The following PLXNB1 variants were observed in gnomAD, a reference collection of about 807,000 sequenced individuals.
PLXNB1 encodes the protein plexin-B1.
A neutral mutation model predicts 209.4 loss-of-function variants in PLXNB1; 106 were observed. The ratio of observed to expected loss-of-function variants is 0.51; its 90% CI spans 0.43 to 0.59. PLXNB1 has a LOEUF of 0.59. PLXNB1 is among the 20% of genes least tolerant of loss of function. The probability of loss-of-function intolerance (pLI) is 0.00; values close to 1 mark genes in which losing one functional copy is unlikely to be tolerated. For synonymous variants in PLXNB1, 1,167 were observed against 1,183.2 expected, an observed-to-expected ratio of 0.99 and a Z score of 0.28; for missense variants, 2,357 against 2,853.2, an observed-to-expected ratio of 0.83 and a Z score of 3.96.
Position 48,419,687 on chromosome 3 carries a change from T to C in PLXNB1, c.2599A>G (p.Thr867Ala), listed in dbSNP as rs2038356560. ...GAGTCTCCATCACCTGAGAGGAGGGTGGAAGTGGAGAAGGCGGGTGCGTCA... is the reference window on the plus strand; with the variant it reads ...GAGTCTCCATCACCTGAGAGGAGGGCGGAAGTGGAGAAGGCGGGTGCGTCA... ...GGDAPAFSTS[T>A]LLSGDGDSAE... Residue 867 changes from threonine to alanine, a missense_variant, in exon 11 of 38, where the codon ACC (threonine) becomes GCC (alanine). By Grantham distance (58) the Thr-to-Ala change is moderately conservative (BLOSUM62 0). Coordinates refer to ENST00000296440, the MANE Select transcript of PLXNB1 (RefSeq NM_001130082.3). This position sits in a 1 kb window ranked among gnomAD's most constrained non-coding sequence, Gnocchi z 5.7. 6.2e-7 allele frequency: 1 copy of C among 1,611,158 alleles called. No homozygotes were observed. The highest frequency in any genetic ancestry group is 1.1e-5 in the South Asian group (1 of 90,994).
At chr3:48,421,173 G>C in intron 8 of PLXNB1, 55 bp downstream of exon 8, 1 of 1,570,638 alleles carries the variant, frequency 6.4e-7, no homozygotes, top group Middle Eastern at 2.1e-4. Context: ...TAACCCCACC[G>C]CATCCCCTGA....
Position 48,410,621 on chromosome 3 carries a change from TCTC to T in PLXNB1, c.5417-66_5417-64del. 1.6e-5 allele frequency: 22 copies of T among 1,374,862 alleles called. No homozygotes were observed. The highest frequency in any genetic ancestry group is 2.4e-5 in the South Asian group (2 of 85,052). The allele number at this position is 1,374,862 out of a possible 1,614,324, so 85.2% of individuals were successfully genotyped here. A position where few individuals can be genotyped will look rare whatever the true frequency, so the allele number is the denominator to read the frequency against. On this transcript the variant is annotated intron_variant, in intron 29 of 37. Transcript: ENST00000296440. This position sits in a 1 kb window ranked among gnomAD's most constrained non-coding sequence, Gnocchi z 6.4. ...GATACCCTTCCCATAGTGGAGCCCA[TCTC>T]CTCCTCCACAGGGACACCAGCCCCT... is the stretch of plus-strand genomic sequence containing the variant.
chr3:48,426,301 A>G (rs1560078598), intron 1 of PLXNB1, among the ~76,000 whole-genome samples: 2 of 152,182 alleles, frequency 1.3e-5, no homozygotes, highest in South Asian at 4.1e-4. Flanking sequence ...TGAGTCCCTG[A>G]ACCAAGAAAC....
rs1159093912 is a variant in PLXNB1 at position 48,415,712 on chromosome 3, C to A, written c.3665G>T (p.Arg1222Leu). ...CACAGGGAGCGTGGCAGGCGTGGGG[C>A]GTGGGCTGGTCTCACACCGCAGTTG... is the stretch of plus-strand genomic sequence containing the variant. ...SEQLRCETSP[R>L]PTPATLPVAV... is the part of the protein sequence containing the mutation. Residue 1222 changes from arginine (R) to leucine (L), a missense_variant, in exon 19 of 38, where the codon CGC becomes CTC. This residue lies in a region of PLXNB1 where 743 missense variants were observed against 896.2 expected (regional missense o/e 0.83). Transcript: ENST00000296440. This position sits in a 1 kb window ranked among gnomAD's most constrained non-coding sequence, Gnocchi z 5.0. 1.9e-6 allele frequency: 3 copies of A among 1,552,846 alleles called. No individual in the cohort carries two copies. Among genetic ancestry groups the A allele is most frequent in the Admixed American group, 2.0e-5 (1 of 51,116 alleles).
rs750458595 is a variant in PLXNB1 at position 48,419,836 on chromosome 3, T to C, written c.2450A>G (p.Asp817Gly). The C allele has an allele frequency of 9.8e-5, 155 of 1,576,526 alleles. No homozygotes were observed. The Middle Eastern group carries it at 1.7e-3, about 17-fold the overall frequency. The change falls in exon 11 of 38, where the codon GAC becomes GGC. Residue 817 changes from aspartate to glycine, a missense_variant. By Grantham distance (94) the Asp-to-Gly change is moderately conservative. Around this residue, in one of 7 missense-constraint regions of PLXNB1, gnomAD observed 410 missense variants for 401.0 expected, o/e 1.02. Coordinates refer to ENST00000296440, the MANE Select transcript of PLXNB1 (RefSeq NM_001130082.3). The surrounding 1 kb of genome is among the most constrained non-coding windows in gnomAD (Gnocchi z 5.7). ...GGCAGGAACAGTGGCAGGGGGCAGGTCCAGGGGCACTGTGGGATGAAGAGC... is the reference window on the plus strand; with the variant it reads ...GGCAGGAACAGTGGCAGGGGGCAGGCCCAGGGGCACTGTGGGATGAAGAGC... ...PEALHPTVPL[D>G]LPPATVPATT...
chr3:48,428,716 G>A (rs994679615), intron 1 of PLXNB1, among the ~76,000 whole-genome samples: 9 of 151,896 alleles, frequency 5.9e-5, no homozygotes, highest in African/African-American at 2.2e-4. Flanking sequence ...GTGTGTTGAG[G>A]AGGGGTGGGG....
Position 48,422,168 on chromosome 3 carries a change from A to G in PLXNB1, c.1457T>C (p.Leu486Pro), listed in dbSNP as rs756802958. Residue 486 changes from leucine (L) to proline (P), a missense_variant, in exon 6 of 38, where the codon CTG becomes CCG. By Grantham distance (98) the Leu-to-Pro change is moderately conservative (BLOSUM62 -3). This residue lies in a region of PLXNB1 where 214 missense variants were observed against 297.1 expected (regional missense o/e 0.72). Coordinates refer to ENST00000296440, the MANE Select transcript of PLXNB1 (RefSeq NM_001130082.3). ...KVPVASCAQHLDCASCLAHRD... is the reference protein window; with the variant it reads ...KVPVASCAQHPDCASCLAHRD... The stretch of plus-strand genomic sequence containing the variant: ...GTGAGCAAGGCAAGATGCACAGTCC[A>G]GGTGCTGAGCACAGGAAGCCACAGG... 3 of 1,614,150 alleles carry G rather than the reference A, an allele frequency of 1.9e-6. No homozygotes were observed. Among genetic ancestry groups the G allele is most frequent in the South Asian group, 2.2e-5 (2 of 91,084 alleles).
chr3:48,410,914 T>C lies in PLXNB1; in HGVS notation c.5370A>G (p.Lys1790=). The change falls in exon 29 of 38, where the codon AAA becomes AAG. Residue 1790 remains lysine, a synonymous_variant. Transcript: ENST00000296440. The surrounding 1 kb of genome is among the most constrained non-coding windows in gnomAD (Gnocchi z 6.4). ...CTGGCCGCTGGGTGAGAGGCACTCC[T>C]TTATAAAGCTGGTCCAGCATCTTCT... ...AKEKMLDQLY[K]GVPLTQRPDP... 1 of 1,613,548 alleles carries C rather than the reference T, an allele frequency of 6.2e-7. No homozygotes were observed. The highest frequency in any genetic ancestry group is 8.5e-7 in the Non-Finnish European group (1 of 1,179,782).
In PLXNB1 at chr3:48,424,245, G is replaced by T; in HGVS notation, c.367C>A (p.Arg123Ser). 1.2e-6 allele frequency: 2 copies of T among 1,601,716 alleles called. No individual in the cohort carries two copies. The highest frequency in any genetic ancestry group is 1.7e-6 in the Non-Finnish European group (2 of 1,174,012). The stretch of plus-strand genomic sequence containing the variant: ...AGCAGCTGCTCGAGCTGCCCCAGGC[G>T]CCGCTGTTCACAGACCCCCTGGTGC... ...SVHQGVCEQRRLGQLEQLLLR... is the reference protein window; with the variant it reads ...SVHQGVCEQRSLGQLEQLLLR... The change falls in exon 3 of 38, where the codon CGC (arginine) becomes AGC (serine). Residue 123 changes from arginine (R) to serine (S), a missense_variant. By Grantham distance (110) the Arg-to-Ser change is moderately radical. Coordinates refer to ENST00000296440, the MANE Select transcript of PLXNB1 (RefSeq NM_001130082.3).
rs77641582 is a variant in PLXNB1 at position 48,407,681 on chromosome 3, C to T, written c.6088-590G>A. 1.6e-3 allele frequency among the ~76,000 whole-genome samples: 241 copies of T among 152,330 alleles called. 1 individual carries two copies. The highest frequency in any genetic ancestry group is 0.01 in the Middle Eastern group (3 of 294). ...AGAATATCTCGAGGTGGCACTGTCC[C>T]CCATGAGCAGGGATCCAAGGCCAGC... On this transcript the variant is annotated intron_variant, in intron 34 of 37. Coordinates refer to ENST00000296440, the MANE Select transcript of PLXNB1 (RefSeq NM_001130082.3).
chr3:48,410,721 G>T lies in PLXNB1; in HGVS notation c.5416+147C>A. The T allele has an allele frequency of 1.0e-6, 1 of 964,990 alleles. No homozygotes were observed. The highest frequency in any genetic ancestry group is 1.5e-6 in the Non-Finnish European group (1 of 645,542). The allele number at this position is 964,990 out of a possible 1,614,324, so 59.8% of individuals were successfully genotyped here. A position where few individuals can be genotyped will look rare whatever the true frequency, so the allele number is the denominator to read the frequency against. Reference sequence around the variant, plus strand: ...GGACCCCCTCCCCAGATGAGAGGCTGTCCAAGAAAGATGTTCCAAAGCCAG... The same window carrying T: ...GGACCCCCTCCCCAGATGAGAGGCTTTCCAAGAAAGATGTTCCAAAGCCAG... On this transcript the variant is annotated intron_variant, in intron 29 of 37. Coordinates refer to ENST00000296440, the MANE Select transcript of PLXNB1 (RefSeq NM_001130082.3). The surrounding 1 kb of genome is among the most constrained non-coding windows in gnomAD (Gnocchi z 6.4).
chr3:48,416,821 C>G lies in PLXNB1; in HGVS notation c.3375-370G>C, dbSNP rs1019644234. 1 of 175,642 alleles carries G rather than the reference C, an allele frequency of 5.7e-6. No homozygotes were observed. The highest frequency in any genetic ancestry group is 1.2e-5 in the Non-Finnish European group (1 of 84,224). 10.9% of individuals were successfully genotyped at this position (175,642 alleles called of 1,614,324 possible). On this transcript the variant is annotated intron_variant, in intron 16 of 37. Coordinates refer to ENST00000296440, the MANE Select transcript of PLXNB1 (RefSeq NM_001130082.3). This position sits in a 1 kb window ranked among gnomAD's most constrained non-coding sequence, Gnocchi z 4.1. The stretch of plus-strand genomic sequence containing the variant: ...CTCCGCCACGTCACATGCACAGTAC[C>G]CACTCAAAGCATGGTAGAAACTTGA...
Position 48,410,842 on chromosome 3 carries a change from T to C in PLXNB1, c.5416+26A>G, listed in dbSNP as rs745623879. 6.3e-7 allele frequency: 1 copy of C among 1,593,452 alleles called. No homozygotes were observed. Among genetic ancestry groups the C allele is most frequent in the South Asian group, 1.1e-5 (1 of 88,176 alleles). The stretch of plus-strand genomic sequence containing the variant: ...AGCCCAGGCCCAACAGTGGCTCAGG[T>C]CCCCAGGGGCTCTCCACGCCCTCAC... On this transcript the variant is annotated intron_variant, in intron 29 of 37. Transcript: ENST00000296440. This position sits in a 1 kb window ranked among gnomAD's most constrained non-coding sequence, Gnocchi z 6.4.
Position 48,412,268 on chromosome 3 carries a change from C to G in PLXNB1, c.5070G>C (p.Trp1690Cys). The G allele has an allele frequency of 6.2e-7, 1 of 1,614,134 alleles. No individual in the cohort carries two copies. Among genetic ancestry groups the G allele is most frequent in the Non-Finnish European group, 8.5e-7 (1 of 1,180,028 alleles). ...ETVVEKLLTNWMSICLYTFVR... is the reference protein window; with the variant it reads ...ETVVEKLLTNCMSICLYTFVR... ...CGAAGGTATACAGACAGATGGACAT[C>G]CAGTTGGTGAGCAGCTTCTCCACCA... The change falls in exon 27 of 38, where the codon TGG becomes TGC. Residue 1690 changes from tryptophan to cysteine, a missense_variant. Trp to Cys is a radical substitution (Grantham distance 215). Transcript: ENST00000296440.
rs148332241 is a variant in PLXNB1, at chr3:48,415,218, C to T, written c.3924G>A (p.Pro1308=). ...QGLGRRRRVV[P]ETACSLGPSC... ...AGGGTCCAAGGGAACATGCCGTCTC[C>T]GGGACCACGCGACGCCTCCGTCCAA... The change falls in exon 20 of 38, where the codon CCG becomes CCA. Residue 1308 remains proline, a synonymous_variant. Coordinates refer to ENST00000296440, the MANE Select transcript of PLXNB1 (RefSeq NM_001130082.3). The surrounding 1 kb of genome is among the most constrained non-coding windows in gnomAD (Gnocchi z 5.0). 60 of 1,613,344 alleles carry T rather than the reference C, an allele frequency of 3.7e-5. No individual in the cohort carries two copies. Among genetic ancestry groups the T allele is most frequent in the East Asian group, 8.9e-5 (4 of 44,898 alleles).
intron 34 of PLXNB1, among the ~76,000 whole-genome samples, chr3:48,408,792 A>T (rs2037468767): frequency 1.3e-5 from 2 of 152,136 alleles, no homozygotes; most frequent in Non-Finnish European, 2.9e-5. Context: ...AGGCCCAGGG[A>T]TCATGTGTGA....
chr3:48,413,722 C>G lies in PLXNB1; in HGVS notation c.4483G>C (p.Val1495Leu), dbSNP rs752576318. 1 of 1,613,690 alleles carries G rather than the reference C, an allele frequency of 6.2e-7. No individual in the cohort carries two copies. Among genetic ancestry groups the G allele is most frequent in the Non-Finnish European group, 8.5e-7 (1 of 1,179,996 alleles). ...FPVAAQVGLG[V>L]GTSLLALGVI... ...CCCAGAGCCAGAAGAGAGGTGCCCACCCCCAAGCCCACCTGGGCTGCCACA... is the reference window on the plus strand; with the variant it reads ...CCCAGAGCCAGAAGAGAGGTGCCCAGCCCCAAGCCCACCTGGGCTGCCACA... The change falls in exon 23 of 38, where the codon GTG becomes CTG. Residue 1495 changes from valine to leucine, a missense_variant. Physicochemically the swap from Val to Leu is conservative, Grantham distance 32. Around this residue, in one of 7 missense-constraint regions of PLXNB1, gnomAD observed 743 missense variants for 896.2 expected, o/e 0.83. Transcript: ENST00000296440. This position sits in a 1 kb window ranked among gnomAD's most constrained non-coding sequence, Gnocchi z 5.4.
At chr3:48,412,350 G>T (rs745928610) in intron 26 of PLXNB1, 46 bp from the exon 27 acceptor site, 1 of 1,611,964 alleles carries the variant, frequency 6.2e-7, no homozygotes, top group Admixed American at 1.7e-5. Context: ...AGGTGGGGCT[G>T]CGGGCCTCTC....
Position 48,411,168 on chromosome 3 carries a change from G to C in PLXNB1, c.5248-132C>G. 1.3e-6 allele frequency: 1 copy of C among 745,722 alleles called. No individual in the cohort carries two copies. Among genetic ancestry groups the C allele is most frequent in the Non-Finnish European group, 2.1e-6 (1 of 470,926 alleles). The allele number at this position is 745,722 out of a possible 1,614,324, so 46.2% of individuals were successfully genotyped here. ...ACGCACCACACAATCCCTAATTCTCGTCTCTTCACCTGCCTGCCTTCCCCA... is the reference window on the plus strand; with the variant it reads ...ACGCACCACACAATCCCTAATTCTCCTCTCTTCACCTGCCTGCCTTCCCCA... On this transcript the variant is annotated intron_variant, in intron 28 of 37. Coordinates refer to ENST00000296440, the MANE Select transcript of PLXNB1 (RefSeq NM_001130082.3). This position sits in a 1 kb window ranked among gnomAD's most constrained non-coding sequence, Gnocchi z 4.0.
Sources: gnomAD v4.1 joint callset for allele counts (sites outside exome capture counted in the v4.1 genomes callset) on GRCh38, gnomAD v4.1.1 for gene constraint, gnomAD v4.1.1 regional missense constraint, Gnocchi (gnomAD v3.1) non-coding constraint, MANE v1.5 for transcripts, NCBI Gene and HGNC (gene_info 2026-07-23, HGNC 2026-07-21) for gene names.